Variants in TBC1D5 observed in about 807,000 individuals in gnomAD.
TBC1D5 encodes the protein TBC1 domain family, member 5.
A neutral mutation model predicts 100.3 loss-of-function variants in TBC1D5; 75 were observed. That is an observed-to-expected ratio of 0.75 (90% CI 0.62 to 0.91). TBC1D5 has a LOEUF of 0.91. Among genes scored for constraint, TBC1D5 ranks in the 40% least tolerant of loss-of-function variants. The pLI, the probability that TBC1D5 is intolerant of heterozygous loss-of-function variation, is 0.00. For missense variants in TBC1D5, 910 were observed against 942.4 expected, an observed-to-expected ratio of 0.97 and a Z score of 0.45; for synonymous variants, 323 against 325.6, an observed-to-expected ratio of 0.99 and a Z score of 0.09.
chr3:17,374,638 T>A lies in TBC1D5; in HGVS notation c.743A>T (p.His248Leu), dbSNP rs2092625958. The change falls in exon 11 of 22, where the codon CAT becomes CTT. Residue 248 changes from histidine (H) to leucine (L), a missense_variant. His to Leu is a moderately conservative substitution (Grantham distance 99, BLOSUM62 -3). Transcript: ENST00000253692. ...AAGTTTTTGTACTTACTAGGCATCATGTTCCAGATACTCAGGGTTCAAGAC... is the reference window on the plus strand; with the variant it reads ...AAGTTTTTGTACTTACTAGGCATCAAGTTCCAGATACTCAGGGTTCAAGAC... 1 of 1,611,520 alleles carries A rather than the reference T, an allele frequency of 6.2e-7. No homozygotes were observed. The highest frequency in any genetic ancestry group is 1.7e-5 in the Admixed American group (1 of 59,860).
At chr3:17,424,573 A>C (rs2149314908) in intron 4 of TBC1D5, among the ~76,000 whole-genome samples, 1 of 152,348 alleles carries the variant, frequency 6.6e-6, no homozygotes, top group Admixed American at 6.5e-5. Context: ...AAGTCTTATA[A>C]ACTTTCCATT....
rs1320388413 is a variant in TBC1D5 at position 17,403,110 on chromosome 3, T to C, written c.509+71A>G. ...AATTAAGTTGACTGCAGATTTTGTGTTTTGTTAAAATTAGAAAGAGATAAC... is the reference window on the plus strand; with the variant it reads ...AATTAAGTTGACTGCAGATTTTGTGCTTTGTTAAAATTAGAAAGAGATAAC... On this transcript the variant is annotated intron_variant, in intron 8 of 21. Coordinates refer to ENST00000253692, the Ensembl canonical transcript of TBC1D5. 2.2e-6 allele frequency: 3 copies of C among 1,345,568 alleles called. No individual in the cohort carries two copies. The Admixed American group carries it at 7.6e-5, about 34-fold the overall frequency. The allele number at this position is 1,345,568 out of a possible 1,614,324, so 83.4% of individuals were successfully genotyped here. A position where few individuals can be genotyped will look rare whatever the true frequency, so the allele number is the denominator to read the frequency against.
chr3:17,632,373 CTCCTTGTAAAG>C (rs1350330151), intron 1 of TBC1D5, among the ~76,000 whole-genome samples: 1 of 152,126 alleles, frequency 6.6e-6, no homozygotes, highest in Non-Finnish European at 1.5e-5. Flanking sequence ...ATGGAACCTG[CTCCTTGTAAAG>C]ATGCTGTGAA....
intron 2 of TBC1D5, among the ~76,000 whole-genome samples, chr3:17,579,627 T>C (rs1330705898): frequency 6.6e-6 from 1 of 152,130 alleles, no homozygotes; most frequent in Non-Finnish European, 1.5e-5. Flanking sequence ...CTACTGCACA[T>C]ATAGTGAAAA....
At chr3:17,625,726 C>G (rs917487670) in intron 1 of TBC1D5, among the ~76,000 whole-genome samples, 3 of 151,860 alleles carry the variant, frequency 2.0e-5, no homozygotes, top group Non-Finnish European at 4.4e-5. Context: ...AAAATCATGC[C>G]TATGAAATAT....
intron 2 of TBC1D5, among the ~76,000 whole-genome samples, chr3:17,542,117 A>G (rs1455783441): frequency 6.6e-6 from 1 of 152,068 alleles, no homozygotes; most frequent in African/African-American, 2.4e-5. Flanking sequence ...GTGAAACCCC[A>G]TCTCTATAAG....
chr3:17,485,093 G>A (rs1313088009), intron 3 of TBC1D5, among the ~76,000 whole-genome samples: 6 of 151,904 alleles, frequency 3.9e-5, no homozygotes, highest in African/African-American at 1.2e-4. Context: ...GCATACAACT[G>A]TCTAATAATG....
At chr3:17,312,779 GAAC>G (rs2084191667) in intron 13 of TBC1D5, among the ~76,000 whole-genome samples, 1 of 152,262 alleles carries the variant, frequency 6.6e-6, no homozygotes, top group African/African-American at 2.4e-5. Context: ...TGTTTTGTCA[GAAC>G]AACTGTAACA....
chr3:17,160,850 T>G (rs2065958258), exon 22 of TBC1D5: 1 of 1,343,454 alleles, frequency 7.4e-7, no homozygotes, highest in Non-Finnish European at 1.0e-6. Context: ...GCAAAATGCA[T>G]GCCGGGAAGG....
chr3:17,707,181 ATACT>A (rs149061180), intron 1 of TBC1D5, among the ~76,000 whole-genome samples: 3,378 of 152,148 alleles, frequency 0.022, 105 homozygotes, highest in African/African-American at 0.076. Flanking sequence ...TATATTTGAG[ATACT>A]TATTTTTATA....
intron 3 of TBC1D5, among the ~76,000 whole-genome samples, chr3:17,467,293 T>G (rs1405678479): frequency 6.6e-6 from 1 of 151,044 alleles, no homozygotes; most frequent in Non-Finnish European, 1.5e-5. Context: ...CTTCTTTTTT[T>G]TTTTTTTTTT....
intron 15 of TBC1D5, among the ~76,000 whole-genome samples, chr3:17,260,726 G>A (rs1029496732): frequency 2.3e-4 from 35 of 152,044 alleles, no homozygotes; most frequent in African/African-American, 8.5e-4. Flanking sequence ...CCAACAGTGG[G>A]TCACAAATAT....
At chr3:17,339,192 G>A (rs752653337) in intron 13 of TBC1D5, among the ~76,000 whole-genome samples, 1 of 152,136 alleles carries the variant, frequency 6.6e-6, no homozygotes. Flanking sequence ...AATTATCATG[G>A]CACACTATGA....
At chr3:17,438,721 A>T in intron 3 of TBC1D5, among the ~76,000 whole-genome samples, 1 of 152,110 alleles carries the variant, frequency 6.6e-6, no homozygotes, top group East Asian at 1.9e-4. Flanking sequence ...TTTGTCCTTC[A>T]CTCCAATTTT....
intron 1 of TBC1D5, among the ~76,000 whole-genome samples, chr3:17,656,041 G>A (rs768240427): frequency 2.0e-5 from 3 of 152,150 alleles, no homozygotes; most frequent in African/African-American, 7.2e-5. Flanking sequence ...ATGAAGCAGT[G>A]TACTCCTGTA....
intron 15 of TBC1D5, among the ~76,000 whole-genome samples, chr3:17,260,635 T>A (rs188263547): frequency 6.6e-6 from 1 of 152,192 alleles, no homozygotes; most frequent in African/African-American, 2.4e-5. Flanking sequence ...TGGTTGAAAG[T>A]TATTCTTTTC....
At chr3:17,304,310 TGTCTCTCACTGGGGA>T (rs1441072408) in intron 14 of TBC1D5, among the ~76,000 whole-genome samples, 3 of 152,222 alleles carry the variant, frequency 2.0e-5, no homozygotes, top group Non-Finnish European at 4.4e-5. Flanking sequence ...GACAAAATCC[TGTCTCTCACTGGGGA>T]ACAGGGATTA....
chr3:17,544,505 G>A (rs2153430525), intron 2 of TBC1D5, among the ~76,000 whole-genome samples: 1 of 152,166 alleles, frequency 6.6e-6, no homozygotes, highest in Admixed American at 6.5e-5. Flanking sequence ...ACAAAAATTG[G>A]CTGGGTGTGG....
intron 2 of TBC1D5, among the ~76,000 whole-genome samples, chr3:17,548,730 AATT>A (rs898480114): frequency 1.3e-5 from 2 of 152,162 alleles, no homozygotes; most frequent in African/African-American, 4.8e-5. Flanking sequence ...TAAACAAGAA[AATT>A]ATTATTATAA....
Sources: allele counts gnomAD v4.1 joint callset (sites outside exome capture counted in the v4.1 genomes callset), GRCh38; gene constraint gnomAD v4.1.1; transcripts MANE v1.5; gene names NCBI Gene and HGNC (gene_info 2026-07-23, HGNC 2026-07-21).